The following SLC24A3 variants were observed in gnomAD, a reference collection of about 807,000 sequenced individuals.
SLC24A3 encodes the protein solute carrier family 24 member 3.
SLC24A3 carries 28 observed loss-of-function variants against 75.8 expected under a neutral mutation model. The observed-to-expected ratio is 0.37, with a 90% CI of 0.27 to 0.51. SLC24A3 has a LOEUF of 0.51. Among genes scored for constraint, SLC24A3 ranks in the 20% least tolerant of loss-of-function variants. The pLI is 0.94. For synonymous variants in SLC24A3, 372 were observed against 334.1 expected (o/e 1.11, Z -1.24); for missense variants, 663 against 847.8 (o/e 0.78, Z 2.71).
At chr20:19,259,721 C>A (rs1238673383) in intron 1 of SLC24A3, among the ~76,000 whole-genome samples, 1 of 152,166 alleles carries the variant, frequency 6.6e-6, no homozygotes, top group Non-Finnish European at 1.5e-5. Flanking sequence ...TCTCCCCCAA[C>A]ATTATATATG....
chr20:19,329,785 G>A (rs375362566), intron 2 of SLC24A3, among the ~76,000 whole-genome samples: 3 of 152,280 alleles, frequency 2.0e-5, no homozygotes, highest in Middle Eastern at 3.4e-3. Context: ...CATGTTCCTT[G>A]ATTCCAAGTT....
At chr20:19,228,500 G>A (rs1396519399) in intron 1 of SLC24A3, among the ~76,000 whole-genome samples, 3 of 152,032 alleles carry the variant, frequency 2.0e-5, no homozygotes, top group South Asian at 2.1e-4. Flanking sequence ...TTAGCCGGGC[G>A]TGGGCGTGGT....
intron 2 of SLC24A3, among the ~76,000 whole-genome samples, chr20:19,334,273 T>G (rs983968066): frequency 6.6e-6 from 1 of 152,188 alleles, no homozygotes; most frequent in African/African-American, 2.4e-5. Context: ...AGTCAAATGT[T>G]GTCCTTGGAG....
At chr20:19,319,394 C>T (rs1984656743) in intron 2 of SLC24A3, among the ~76,000 whole-genome samples, 1 of 152,238 alleles carries the variant, frequency 6.6e-6, no homozygotes. Context: ...TCAGATGTGG[C>T]TCAAATGCAG....
chr20:19,295,328 T>G (rs1448094822), intron 2 of SLC24A3, among the ~76,000 whole-genome samples: 1 of 152,192 alleles, frequency 6.6e-6, no homozygotes, highest in Non-Finnish European at 1.5e-5. Context: ...TGACTTCCTC[T>G]TCTCCTATTT....
rs188220404 is a variant in SLC24A3 at position 19,534,801 on chromosome 20, T to C, written c.348+19237T>C. ...CTTAGCAAGTGTATAAGGTACAGAT[T>C]GGAAACCAAGGCTTATTTGTAGATC... On this transcript the variant is annotated intron_variant, in intron 3 of 16. Coordinates refer to ENST00000328041, the MANE Select transcript of SLC24A3 (RefSeq NM_020689.4). Among the ~76,000 whole-genome samples, 14 of 152,328 alleles carry C rather than the reference T, an allele frequency of 9.2e-5. No individual in the cohort carries two copies. In the East Asian group the frequency reaches 2.5e-3, roughly 27 times the overall value.
At position 19,696,000 on chromosome 20, in the gene SLC24A3, C is replaced by T. The variant is rs567290446; in HGVS notation, c.1492-797C>T. ...AAGGAAATGCTAGTTATGGCTTTCC[C>T]CTTTTTTTCCTTTTCTTTTTTTTTT... On this transcript the variant is annotated intron_variant, in intron 13 of 16. Transcript: ENST00000328041. Among the ~76,000 whole-genome samples the T allele has an allele frequency of 3.7e-5, 5 of 136,212 alleles. No individual in the cohort carries two copies. In the East Asian group the frequency reaches 8.3e-4, roughly 23 times the overall value. The allele number at this position is 136,212 out of a possible 152,430, so 89.4% of individuals were successfully genotyped here.
chr20:19,303,411 T>C (rs1276985600), intron 2 of SLC24A3, among the ~76,000 whole-genome samples: 1 of 152,210 alleles, frequency 6.6e-6, no homozygotes, highest in Non-Finnish European at 1.5e-5. Context: ...CAGTCTACCG[T>C]TGATGGGCAT....
At chr20:19,399,431 A>T (rs1361707975) in intron 2 of SLC24A3, among the ~76,000 whole-genome samples, 2 of 152,140 alleles carry the variant, frequency 1.3e-5, no homozygotes, top group Non-Finnish European at 2.9e-5. Context: ...GCAATGTTTG[A>T]TATGGTATGT....
chr20:19,679,486 G>C (rs2122736557), intron 9 of SLC24A3, among the ~76,000 whole-genome samples: 1 of 151,968 alleles, frequency 6.6e-6, no homozygotes, highest in African/African-American at 2.4e-5. Flanking sequence ...ATCAGAGGGA[G>C]ACCGTGGAAA....
intron 2 of SLC24A3, among the ~76,000 whole-genome samples, chr20:19,492,870 C>T (rs1988228466): frequency 6.6e-6 from 1 of 152,148 alleles, no homozygotes; most frequent in Non-Finnish European, 1.5e-5. Context: ...CACCAAGCAC[C>T]TTCCAGGCAT....
rs367583906 is a variant in SLC24A3 at position 19,597,140 on chromosome 20, T to C, written c.612+11596T>C. 1.4e-4 allele frequency among the ~76,000 whole-genome samples: 21 copies of C among 152,094 alleles called. No individual in the cohort carries two copies. In the East Asian group the frequency reaches 3.7e-3, roughly 27 times the overall value. On this transcript the variant is annotated intron_variant, in intron 6 of 16. Transcript: ENST00000328041. ...GCTCACACCTGTGGCCCCAGCACTTTGGAAGGCCAAGGTGGGTGGATTGCT... is the reference window on the plus strand; with the variant it reads ...GCTCACACCTGTGGCCCCAGCACTTCGGAAGGCCAAGGTGGGTGGATTGCT...
At chr20:19,319,263 A>T (rs1984653091) in intron 2 of SLC24A3, among the ~76,000 whole-genome samples, 1 of 152,194 alleles carries the variant, frequency 6.6e-6, no homozygotes, top group African/African-American at 2.4e-5. Flanking sequence ...TGCTCCGTAA[A>T]TATGCATGTG....
rs570367698 is a variant in SLC24A3 at position 19,379,059 on chromosome 20, A to C, written c.271+97972A>C. On this transcript the variant is annotated intron_variant, in intron 2 of 16. Coordinates refer to ENST00000328041, the MANE Select transcript of SLC24A3 (RefSeq NM_020689.4). Reference sequence around the variant, plus strand: ...CAGTGGCTGTGAGCAGATGAGGAATAATTGTTAGAAATGGAAAATTACCAT... The same window carrying C: ...CAGTGGCTGTGAGCAGATGAGGAATCATTGTTAGAAATGGAAAATTACCAT... 7.2e-5 allele frequency among the ~76,000 whole-genome samples: 11 copies of C among 152,294 alleles called. No homozygotes were observed. In the South Asian group the frequency reaches 2.3e-3, roughly 32 times the overall value.
At chr20:19,271,600 A>G (rs1490413868) in intron 1 of SLC24A3, among the ~76,000 whole-genome samples, 1 of 152,252 alleles carries the variant, frequency 6.6e-6, no homozygotes, top group Non-Finnish European at 1.5e-5. Flanking sequence ...AAGCCCATCA[A>G]CCAATGAGTG....
At chr20:19,320,206 G>T (rs1010882873) in intron 2 of SLC24A3, among the ~76,000 whole-genome samples, 1 of 152,276 alleles carries the variant, frequency 6.6e-6, no homozygotes, top group South Asian at 2.1e-4. Flanking sequence ...GGGCGCCGAC[G>T]GTCCAGGCTT....
chr20:19,234,182 G>C (rs1982103259), intron 1 of SLC24A3, among the ~76,000 whole-genome samples: 1 of 152,220 alleles, frequency 6.6e-6, no homozygotes, highest in Admixed American at 6.5e-5. Context: ...GTTTTTCAAA[G>C]TGAGAGCCTT....
intron 12 of SLC24A3, among the ~76,000 whole-genome samples, chr20:19,688,498 C>T (rs2122746800): frequency 6.6e-6 from 1 of 152,382 alleles, no homozygotes; most frequent in Middle Eastern, 3.4e-3. Context: ...CTGGGGCAGG[C>T]AGGCCTCTGC....
intron 2 of SLC24A3, among the ~76,000 whole-genome samples, chr20:19,303,017 CTTTTA>C (rs546122557): frequency 0.012 from 1,731 of 148,422 alleles, 16 homozygotes; most frequent in Non-Finnish European, 0.016. Flanking sequence ...TTTTTTTTAA[CTTTTA>C]TTTTAGTTTC....
Sources: gnomAD v4.1 joint callset for allele counts (sites outside exome capture counted in the v4.1 genomes callset) on GRCh38, gnomAD v4.1.1 for gene constraint, MANE v1.5 for transcripts, NCBI Gene and HGNC (gene_info 2026-07-23, HGNC 2026-07-21) for gene names.